PCDH7: variants seen among roughly 807,000 people sequenced by gnomAD.
The protein encoded by PCDH7 is protocadherin-7.
In PCDH7, 17 loss-of-function variants were observed where a neutral mutation model predicts 58.9. The observed-to-expected ratio is 0.29, with a 90% confidence interval of 0.20 to 0.43. The LOEUF (loss-of-function observed/expected upper bound fraction) is 0.43. Ranked by LOEUF, PCDH7 falls within the 20% of genes least tolerant of loss-of-function variation. The pLI is 1.00. For synonymous variants in PCDH7, 664 were observed against 616.4 expected, an observed-to-expected ratio of 1.08 and a Z score of -1.14; for missense variants, 1,274 against 1,441.0, an observed-to-expected ratio of 0.88 and a Z score of 1.88.
chr4:31,006,836 G>T (rs1752802504), intron 3 of PCDH7, among the ~76,000 whole-genome samples: 1 of 151,110 alleles, frequency 6.6e-6, no homozygotes, highest in Non-Finnish European at 1.5e-5. Context: ...AGATTGCAGT[G>T]AGCTGAGATC....
At chr4:30,998,788 A>G (rs940172623) in intron 3 of PCDH7, among the ~76,000 whole-genome samples, 25 of 152,178 alleles carry the variant, frequency 1.6e-4, no homozygotes, top group African/African-American at 5.5e-4. Flanking sequence ...TTTCTATCGT[A>G]GAAAGTGGAG....
rs761891699 is a variant in PCDH7 at position 30,722,421 on chromosome 4, C to G, written c.999C>G (p.Ala333=). Residue 333 remains alanine (A), a synonymous_variant, in exon 1 of 2, where the codon GCC becomes GCG. Coordinates refer to ENST00000361762, the Ensembl canonical transcript of PCDH7. This position sits in a 1 kb window ranked among gnomAD's most constrained non-coding sequence, Gnocchi z 7.6. ...CCCCCATCCTGCAACTGCGCGCAGC[C>G]GACTTGGACGTGGGGGTCAACGGGC... 2 of 1,612,536 alleles carry G rather than the reference C, an allele frequency of 1.2e-6. No homozygotes were observed. Among genetic ancestry groups the G allele is most frequent in the African/African-American group, 2.7e-5 (2 of 75,048 alleles).
chr4:31,022,633 G>A (rs116136074), intron 3 of PCDH7, among the ~76,000 whole-genome samples: 1,608 of 152,272 alleles, frequency 0.011, 13 homozygotes, highest in Non-Finnish European at 0.017. Context: ...ATCATCAGGA[G>A]AGGTGAGGAG....
At chr4:30,900,378 G>A (rs368658981) in intron 1 of PCDH7, among the ~76,000 whole-genome samples, 50 of 152,274 alleles carry the variant, frequency 3.3e-4, no homozygotes, top group African/African-American at 1.0e-3. Flanking sequence ...AGAATAGGTG[G>A]AGTGCTTGTG....
intron 3 of PCDH7, chr4:30,987,576 A>T (rs1010999983): frequency 6.6e-6 from 1 of 152,148 alleles, no homozygotes. Context: ...TCTGCTTCTC[A>T]GGTGGCTGAG....
At chr4:31,126,050 C>T (rs10034048) in intron 3 of PCDH7, among the ~76,000 whole-genome samples, 47,662 of 151,776 alleles carry the variant, frequency 0.31, 7,925 homozygotes, top group African/African-American at 0.42. Context: ...CTTCTTTGTG[C>T]CATAGCTTCC....
chr4:30,816,413 C>T (rs1727672453), intron 1 of PCDH7, among the ~76,000 whole-genome samples: 1 of 152,126 alleles, frequency 6.6e-6, no homozygotes, highest in South Asian at 2.1e-4. Context: ...ATTTGAAACA[C>T]ATTTTCTTGT....
chr4:31,111,634 C>T (rs1716333950), intron 3 of PCDH7, among the ~76,000 whole-genome samples: 2 of 152,068 alleles, frequency 1.3e-5, no homozygotes, highest in South Asian at 4.1e-4. Context: ...CAACAACACT[C>T]AGAGGTACGG....
chr4:31,026,860 A>C (rs996557621), intron 3 of PCDH7, among the ~76,000 whole-genome samples: 3 of 152,210 alleles, frequency 2.0e-5, no homozygotes, highest in African/African-American at 4.8e-5. Context: ...AAATGCATTC[A>C]GTGATGTCAC....
intron 3 of PCDH7, among the ~76,000 whole-genome samples, chr4:30,998,358 T>G (rs1034213677): frequency 2.6e-5 from 4 of 152,132 alleles, no homozygotes; most frequent in Admixed American, 2.6e-4. Flanking sequence ...CTTATTAAAA[T>G]GGTACAAGAT....
intron 3 of PCDH7, among the ~76,000 whole-genome samples, chr4:30,984,818 A>C (rs1191093202): frequency 6.6e-6 from 1 of 152,214 alleles, no homozygotes; most frequent in African/African-American, 2.4e-5. Flanking sequence ...TTAGAGAAAG[A>C]AAGCCAGCAA....
chr4:31,020,980 G>A (rs944734092), intron 3 of PCDH7, among the ~76,000 whole-genome samples: 2 of 152,080 alleles, frequency 1.3e-5, no homozygotes, highest in Non-Finnish European at 2.9e-5. Context: ...GAAGATATTT[G>A]TGTGTATTGG....
In PCDH7 at chr4:30,722,466, G is replaced by T. The variant is rs747035692; in HGVS notation, c.1044G>T (p.Gly348=). ...ACGGGCAGATCGAATACGTGTTCGG[G>T]GCGGCCACCGAGTCGGTGAGGCGGC... Residue 348 remains glycine (G), a synonymous_variant, in exon 1 of 2, where the codon GGG becomes GGT. Coordinates refer to ENST00000361762, the Ensembl canonical transcript of PCDH7. The surrounding 1 kb of genome is among the most constrained non-coding windows in gnomAD (Gnocchi z 7.6). 1 of 1,610,200 alleles carries T rather than the reference G, an allele frequency of 6.2e-7. No homozygotes were observed. Among genetic ancestry groups the T allele is most frequent in the East Asian group, 2.2e-5 (1 of 44,794 alleles).
intron 1 of PCDH7, among the ~76,000 whole-genome samples, chr4:30,768,279 A>AGTAGTATGCATACATCT (rs1560349406): frequency 6.9e-6 from 1 of 144,066 alleles, no homozygotes; most frequent in Non-Finnish European, 1.5e-5. Flanking sequence ...ATATTGGCTA[A>AGTAGTATGCATACATCT]TCCAAGTAGT....
intron 3 of PCDH7, among the ~76,000 whole-genome samples, chr4:31,006,514 T>C (rs1332824966): frequency 6.6e-6 from 1 of 152,206 alleles, no homozygotes; most frequent in Non-Finnish European, 1.5e-5. Flanking sequence ...TATTTTATTG[T>C]TTAATTTAGA....
intron 1 of PCDH7, among the ~76,000 whole-genome samples, chr4:30,791,036 A>G (rs2109298477): frequency 1.3e-5 from 2 of 152,354 alleles, no homozygotes; most frequent in South Asian, 4.1e-4. Context: ...GGCTTAACGT[A>G]TGTTCCTGTA....
chr4:30,869,209 C>T (rs1317027511), intron 1 of PCDH7: 1 of 152,126 alleles, frequency 6.6e-6, no homozygotes, highest in East Asian at 1.9e-4. Context: ...TTAACAAGAA[C>T]AAGGAAAACC....
intron 3 of PCDH7, among the ~76,000 whole-genome samples, chr4:31,100,023 G>A (rs924438482): frequency 6.6e-6 from 1 of 152,000 alleles, no homozygotes; most frequent in Non-Finnish European, 1.5e-5. Flanking sequence ...GAGAGGGAGG[G>A]AGGAAACTTG....
rs543545195 is a variant in PCDH7, at chr4:30,772,880, A to G, written c.70+48284A>G. The stretch of plus-strand genomic sequence containing the variant: ...AATTCCTTTATCAAATAAATGCTAT[A>G]CTTTCTATTTTATTTATTTATCTAA... On this transcript the variant is annotated intron_variant, in intron 1 of 3. Transcript: ENST00000509759. Among the ~76,000 whole-genome samples the G allele has an allele frequency of 1.8e-4, 28 of 152,200 alleles. 1 individual carries two copies. Among genetic ancestry groups the G allele is most frequent in the African/African-American group, 6.3e-4 (26 of 41,520 alleles).
Sources: gnomAD v4.1 joint callset for allele counts (sites outside exome capture counted in the v4.1 genomes callset) on GRCh38, gnomAD v4.1.1 for gene constraint, Gnocchi (gnomAD v3.1) non-coding constraint, MANE v1.5 for transcripts, NCBI Gene and HGNC (gene_info 2026-07-23, HGNC 2026-07-21) for gene names.